The following NALF1 variants were observed in gnomAD, a reference collection of about 807,000 sequenced individuals.
The protein encoded by NALF1 is family with sequence similarity 155 member A.
Under a neutral mutation model 48.4 loss-of-function variants are expected in NALF1, and 3 were observed. That is an observed-to-expected ratio of 0.06 (90% CI 0.03 to 0.16). NALF1 has a LOEUF of 0.16. NALF1 is among the 10% of genes least tolerant of loss of function. NALF1 has a pLI of 1.00. For synonymous variants in NALF1, 262 were observed against 245.7 expected (o/e 1.07, Z -0.62); for missense variants, 526 against 571.5 (o/e 0.92, Z 0.81).
Position 107,569,809 on chromosome 13 carries a change from T to A in NALF1, c.915+295873A>T, listed in dbSNP as rs181210948. On this transcript the variant is annotated intron_variant, in intron 1 of 2. Coordinates refer to ENST00000375915, the MANE Select transcript of NALF1 (RefSeq NM_001080396.3). ...TGCTGAGATTTTAATAGCAGTTGCC[T>A]TAAACCTGTCTATCAATTTGTTAAG... Among the ~76,000 whole-genome samples the A allele has an allele frequency of 6.2e-3, 951 of 152,330 alleles. 8 individuals are homozygous for A. Among genetic ancestry groups the A allele is most frequent in the African/African-American group, 0.022 (914 of 41,584 alleles).
intron 1 of NALF1, among the ~76,000 whole-genome samples, chr13:107,846,255 T>C (rs1291635744): frequency 6.6e-6 from 1 of 152,148 alleles, no homozygotes; most frequent in Non-Finnish European, 1.5e-5. Flanking sequence ...TCTTCCGCCA[T>C]GAAACCCACC....
At chr13:107,352,409 G>A (rs1882893975) in intron 1 of NALF1, among the ~76,000 whole-genome samples, 2 of 152,154 alleles carry the variant, frequency 1.3e-5, no homozygotes, top group Admixed American at 6.5e-5. Context: ...GTCAGTTTGG[G>A]CTGTTGTAAC....
intron 1 of NALF1, among the ~76,000 whole-genome samples, chr13:107,509,927 C>A (rs1442468700): frequency 2.0e-5 from 3 of 152,030 alleles, no homozygotes; most frequent in African/African-American, 4.8e-5. Context: ...CACATCAGCT[C>A]CCCAAATTAG....
At chr13:107,562,228 G>A (rs553202094) in intron 1 of NALF1, among the ~76,000 whole-genome samples, 2 of 152,270 alleles carry the variant, frequency 1.3e-5, no homozygotes, top group South Asian at 4.1e-4. Context: ...CTGCATGCTG[G>A]CATGCATGTG....
At chr13:107,213,891 T>C (rs1444911906) in intron 1 of NALF1, among the ~76,000 whole-genome samples, 1 of 152,154 alleles carries the variant, frequency 6.6e-6, no homozygotes, top group Non-Finnish European at 1.5e-5. Flanking sequence ...TTCTTACAGT[T>C]ATCTCGTGTC....
intron 1 of NALF1, among the ~76,000 whole-genome samples, chr13:107,598,481 A>T (rs1403667068): frequency 6.6e-6 from 1 of 152,194 alleles, no homozygotes; most frequent in Non-Finnish European, 1.5e-5. Flanking sequence ...AACCTCATAG[A>T]CCCAGTTGCT....
chr13:107,271,512 G>A (rs1353437296), intron 1 of NALF1, among the ~76,000 whole-genome samples: 6 of 152,060 alleles, frequency 3.9e-5, no homozygotes, highest in Non-Finnish European at 5.9e-5. Flanking sequence ...AATGAGGCTA[G>A]ACGACTGGGG....
chr13:107,682,076 A>G (rs1881318618), intron 1 of NALF1, among the ~76,000 whole-genome samples: 2 of 152,076 alleles, frequency 1.3e-5, no homozygotes, highest in Non-Finnish European at 2.9e-5. Context: ...TTAAAACACA[A>G]TTGCTGGACA....
At chr13:107,678,118 A>G (rs1302443531) in intron 1 of NALF1, among the ~76,000 whole-genome samples, 1 of 152,246 alleles carries the variant, frequency 6.6e-6, no homozygotes, top group Non-Finnish European at 1.5e-5. Context: ...TGTCAAAAGG[A>G]AAAATTATCC....
chr13:107,647,034 G>C (rs551811558), intron 1 of NALF1, among the ~76,000 whole-genome samples: 1 of 152,084 alleles, frequency 6.6e-6, no homozygotes. Flanking sequence ...TTACATACTA[G>C]AATGCTTATT....
chr13:107,401,911 A>G (rs1566326771), intron 1 of NALF1, among the ~76,000 whole-genome samples: 1 of 152,184 alleles, frequency 6.6e-6, no homozygotes, highest in South Asian at 2.1e-4. Context: ...TTATTGTAGC[A>G]TCATGCTGAA....
chr13:107,198,709 C>T (rs997766846), intron 2 of NALF1, among the ~76,000 whole-genome samples: 4 of 152,182 alleles, frequency 2.6e-5, no homozygotes, highest in African/African-American at 7.2e-5. Context: ...CACAATTCAG[C>T]TTCTCTCATT....
chr13:107,865,340 T>A (rs56203375), intron 1 of NALF1, among the ~76,000 whole-genome samples: 1 of 152,126 alleles, frequency 6.6e-6, no homozygotes, highest in Admixed American at 6.5e-5. Flanking sequence ...TCATTGCTAT[T>A]TTCCTGACAA....
chr13:107,726,873 G>A lies in NALF1; in HGVS notation c.915+138809C>T, dbSNP rs539717336. Among the ~76,000 whole-genome samples the A allele has an allele frequency of 1.1e-3, 162 of 150,856 alleles. 1 individual carries two copies. The highest frequency in any genetic ancestry group is 1.8e-3 in the Non-Finnish European group (125 of 67,832). ...CCCTCCTTGGCCTCCCAAAGTGCTG[G>A]GATTACAGGCATGAGACACCACGCC... On this transcript the variant is annotated intron_variant, in intron 1 of 2. Coordinates refer to ENST00000375915, the MANE Select transcript of NALF1 (RefSeq NM_001080396.3).
intron 1 of NALF1, among the ~76,000 whole-genome samples, chr13:107,570,621 C>A (rs1320791755): frequency 1.3e-5 from 2 of 149,654 alleles, no homozygotes; most frequent in Non-Finnish European, 1.5e-5. Context: ...GGTACATGTG[C>A]ATAATGTGCA....
At chr13:107,852,892 T>C (rs1357290241) in intron 1 of NALF1, among the ~76,000 whole-genome samples, 2 of 152,100 alleles carry the variant, frequency 1.3e-5, no homozygotes, top group Non-Finnish European at 2.9e-5. Context: ...CGGTCAGAGG[T>C]AGGAAACAGG....
intron 1 of NALF1, among the ~76,000 whole-genome samples, chr13:107,708,254 C>A (rs1875462350): frequency 1.3e-5 from 2 of 152,152 alleles, no homozygotes; most frequent in African/African-American, 4.8e-5. Flanking sequence ...TATTTAGAAA[C>A]TACAACTGTC....
intron 2 of NALF1, among the ~76,000 whole-genome samples, chr13:107,186,588 G>A (rs867581373): frequency 6.6e-6 from 1 of 152,056 alleles, no homozygotes; most frequent in African/African-American, 2.4e-5. Context: ...GGATGGTCTC[G>A]ATCTCCTGAC....
chr13:107,544,649 C>T (rs1248557160), intron 1 of NALF1, among the ~76,000 whole-genome samples: 1 of 152,114 alleles, frequency 6.6e-6, no homozygotes, highest in South Asian at 2.1e-4. Context: ...TCACAGGACC[C>T]TTGGTTCTAT....
Sources: gnomAD v4.1 joint callset for allele counts (sites outside exome capture counted in the v4.1 genomes callset) on GRCh38, gnomAD v4.1.1 for gene constraint, MANE v1.5 for transcripts, NCBI Gene and HGNC (gene_info 2026-07-23, HGNC 2026-07-21) for gene names.